The following TEX48 variants were observed in gnomAD, a reference collection of about 807,000 sequenced individuals.
TEX48 encodes testis expressed 48.
In TEX48, 10 loss-of-function variants were observed where a neutral mutation model predicts 13.2. That is an observed-to-expected ratio of 0.75 (90% CI 0.47 to 1.28). The LOEUF (loss-of-function observed/expected upper bound fraction) is 1.28, where lower values mean the gene tolerates loss of function less well. Ranked by LOEUF, TEX48 falls within the 50% of genes most tolerant of loss-of-function variation. The pLI, the probability that TEX48 is intolerant of heterozygous loss-of-function variation, is 0.00. For synonymous variants in TEX48, 45 were observed against 52.3 expected (o/e 0.86, Z 0.60); for missense variants, 116 against 139.4 (o/e 0.83, Z 0.84).
Position 114,676,674 on chromosome 9 carries a change from T to A in TEX48, c.-104-4847A>T, listed in dbSNP as rs978791460. Among the ~76,000 whole-genome samples the A allele has an allele frequency of 2.0e-5, 3 of 151,256 alleles. No individual in the cohort carries two copies. In the South Asian group the frequency reaches 6.3e-4, roughly 32 times the overall value. On this transcript the variant is annotated intron_variant, in intron 1 of 4. Coordinates refer to ENST00000436752, the MANE Select transcript of TEX48 (RefSeq NM_001199233.2). ...CTCTGTTGCCCAGGCTGGAGTACAGTGGCGCAATCTTGTCTCACTTCGTGC... is the reference window on the plus strand; with the variant it reads ...CTCTGTTGCCCAGGCTGGAGTACAGAGGCGCAATCTTGTCTCACTTCGTGC...
chr9:114,670,143 A>G lies in TEX48; in HGVS notation c.127+1240T>C, dbSNP rs117240628. ...AGAGTTATCATGGGGATTAAATAAT[A>G]TCATTTTACTGTTAAATATGAAATA... On this transcript the variant is annotated intron_variant, in intron 3 of 4. Coordinates refer to ENST00000436752, the MANE Select transcript of TEX48 (RefSeq NM_001199233.2). Among the ~76,000 whole-genome samples the G allele has an allele frequency of 4.3e-3, 656 of 152,348 alleles. 4 individuals are homozygous for G. The highest frequency in any genetic ancestry group is 9.5e-3 in the South Asian group (46 of 4,830).
At chr9:114,677,112 TGCGG>T (rs1461667891) in intron 1 of TEX48, among the ~76,000 whole-genome samples, 2 of 152,356 alleles carry the variant, frequency 1.3e-5, no homozygotes, top group East Asian at 3.9e-4. Flanking sequence ...TTAGATACGA[TGCGG>T]GCTAGACACA....
intron 1 of TEX48, among the ~76,000 whole-genome samples, chr9:114,681,260 A>C (rs1045396921): frequency 6.6e-5 from 10 of 152,264 alleles, no homozygotes; most frequent in Admixed American, 5.9e-4. Context: ...TGCTCTCTCC[A>C]CATCTTTACT....
At chr9:114,670,505 T>C (rs1283858654) in intron 3 of TEX48, among the ~76,000 whole-genome samples, 2 of 147,992 alleles carry the variant, frequency 1.4e-5, no homozygotes, top group Non-Finnish European at 3.0e-5. Context: ...TTTTTTTTTC[T>C]GTCTGAAATT....
intron 4 of TEX48, 50 bp downstream of exon 4, chr9:114,668,156 C>G (rs75820788): frequency 1.3e-6 from 2 of 1,532,852 alleles, no homozygotes; most frequent in Admixed American, 2.0e-5. Context: ...GGACCAGGCT[C>G]CCTGTCTGGG....
chr9:114,668,954 A>T (rs1168180607), intron 3 of TEX48, among the ~76,000 whole-genome samples: 5 of 152,044 alleles, frequency 3.3e-5, no homozygotes, highest in Non-Finnish European at 5.9e-5. Context: ...CTCCTGCCTC[A>T]GCCCCCCGAG....
At chr9:114,671,305 G>A (rs1301129405) in intron 3 of TEX48, 78 bp downstream of exon 3, 4 of 1,482,086 alleles carry the variant, frequency 2.7e-6, no homozygotes, top group Non-Finnish European at 1.8e-6. Flanking sequence ...AAGGCAGTTT[G>A]GGGGTATCCC....
intron 1 of TEX48, among the ~76,000 whole-genome samples, chr9:114,672,676 T>C (rs1183930359): frequency 2.0e-5 from 3 of 152,190 alleles, no homozygotes; most frequent in Non-Finnish European, 1.5e-5. Context: ...TTATTTCTCT[T>C]ACCCTGAACT....
chr9:114,667,757 G>A (rs1295692939), intron 4 of TEX48, among the ~76,000 whole-genome samples: 1 of 152,004 alleles, frequency 6.6e-6, no homozygotes, highest in Non-Finnish European at 1.5e-5. Flanking sequence ...AAATTAACCA[G>A]GCATGTTGGT....
At chr9:114,677,195 A>G (rs1589379956) in intron 1 of TEX48, among the ~76,000 whole-genome samples, 1 of 152,100 alleles carries the variant, frequency 6.6e-6, no homozygotes, top group African/African-American at 2.4e-5. Context: ...TTTAGCTCCA[A>G]TCTCCAATAG....
rs1828125703 is a variant in TEX48 at position 114,678,773 on chromosome 9, T to A, written c.-105+3262A>T. On this transcript the variant is annotated intron_variant, in intron 1 of 4. Coordinates refer to ENST00000436752, the MANE Select transcript of TEX48 (RefSeq NM_001199233.2). Reference sequence around the variant, plus strand: ...GAGAGTATTGCTTGAATTTGAGAAATCAAGACTTCAGTGAGCTATAATCAT... The same window carrying A: ...GAGAGTATTGCTTGAATTTGAGAAAACAAGACTTCAGTGAGCTATAATCAT... 2.1e-5 allele frequency among the ~76,000 whole-genome samples: 3 copies of A among 141,318 alleles called. No homozygotes were observed. The Admixed American group carries it at 2.3e-4, about 11-fold the overall frequency. The allele number at this position is 141,318 out of a possible 152,430, so 92.7% of individuals were successfully genotyped here. A position where few individuals can be genotyped will look rare whatever the true frequency, so the allele number is the denominator to read the frequency against.
chr9:114,666,907 A>G (rs1291456020), intron 4 of TEX48, among the ~76,000 whole-genome samples, 161 bp from the exon 5 acceptor site: 2 of 152,142 alleles, frequency 1.3e-5, no homozygotes, highest in Non-Finnish European at 2.9e-5. Flanking sequence ...GTCTTTTGTG[A>G]TAGGAGGAGT....
intron 3 of TEX48, 27 bp downstream of exon 3, chr9:114,671,356 T>C: frequency 6.5e-7 from 1 of 1,534,122 alleles, no homozygotes; most frequent in Non-Finnish European, 8.7e-7. Flanking sequence ...AGAGAGGCCA[T>C]GCAGAGTGTC....
At chr9:114,680,209 C>T (rs934895571) in intron 1 of TEX48, among the ~76,000 whole-genome samples, 1 of 146,750 alleles carries the variant, frequency 6.8e-6, no homozygotes, top group African/African-American at 2.5e-5. Flanking sequence ...GTCACTGCAA[C>T]CTCCGCCTCC....
In TEX48 at chr9:114,669,683, C is replaced by T. The variant is rs142814013; in HGVS notation, c.128-1346G>A. On this transcript the variant is annotated intron_variant, in intron 3 of 4. Coordinates refer to ENST00000436752, the MANE Select transcript of TEX48 (RefSeq NM_001199233.2). ...CTCAAACTCCCAACCTCAGGTGATC[C>T]ACCTGCCTTGGCCTCCCAAAGTGCT... Among the ~76,000 whole-genome samples, 371 of 152,228 alleles carry T rather than the reference C, an allele frequency of 2.4e-3. 1 individual carries two copies. Among genetic ancestry groups the T allele is most frequent in the African/African-American group, 8.6e-3 (359 of 41,546 alleles).
intron 4 of TEX48, among the ~76,000 whole-genome samples, chr9:114,667,095 G>T (rs1049793216): frequency 7.2e-5 from 11 of 152,184 alleles, no homozygotes; most frequent in African/African-American, 1.7e-4. Flanking sequence ...CACCCCTATG[G>T]GGGGGTGGGA....
intron 1 of TEX48, among the ~76,000 whole-genome samples, chr9:114,676,571 G>A (rs1828071562): frequency 6.6e-6 from 1 of 151,556 alleles, no homozygotes; most frequent in Non-Finnish European, 1.5e-5. Context: ...CAGTGAACAA[G>A]ACACAGGATA....
chr9:114,678,838 CAAAA>C (rs34355690), intron 1 of TEX48, among the ~76,000 whole-genome samples: 1 of 70,764 alleles, frequency 1.4e-5, no homozygotes, highest in East Asian at 4.1e-4. Context: ...GATCCTGACT[CAAAA>C]AAAAAAAAAA....
At chr9:114,671,066 A>G (rs1827936398) in intron 3 of TEX48, among the ~76,000 whole-genome samples, 2 of 152,174 alleles carry the variant, frequency 1.3e-5, no homozygotes, top group Non-Finnish European at 2.9e-5. Context: ...TATCATGTAC[A>G]TTCAAATTTA....
Sources: gnomAD v4.1 joint callset for allele counts (sites outside exome capture counted in the v4.1 genomes callset) on GRCh38, gnomAD v4.1.1 for gene constraint, MANE v1.5 for transcripts, NCBI Gene and HGNC (gene_info 2026-07-23, HGNC 2026-07-21) for gene names.